The following UBQLN1 variants were observed in gnomAD, a reference collection of about 807,000 sequenced individuals.
UBQLN1 encodes ubiquilin-1.
In UBQLN1, 13 loss-of-function variants were observed where a neutral mutation model predicts 65.4. The ratio of observed to expected loss-of-function variants is 0.20; its 90% CI spans 0.13 to 0.32. The LOEUF is 0.32. Ranked by LOEUF, UBQLN1 falls within the 10% of genes least tolerant of loss-of-function variation. The pLI, the probability that UBQLN1 is intolerant of heterozygous loss-of-function variation, is 1.00. For missense variants in UBQLN1, 561 were observed against 724.0 expected (o/e 0.77, Z 2.58); for synonymous variants, 267 against 247.8 (o/e 1.08, Z -0.73).
intron 1 of UBQLN1, among the ~76,000 whole-genome samples, chr9:83,704,578 G>A (rs1832365860): frequency 6.6e-6 from 1 of 152,052 alleles, no homozygotes; most frequent in African/African-American, 2.4e-5. Context: ...TGTAATCCTA[G>A]CACTTTGGGA....
rs184279585 is a variant in UBQLN1 at position 83,699,825 on chromosome 9, A to G, written c.180+7675T>C. 8.9e-4 allele frequency among the ~76,000 whole-genome samples: 136 copies of G among 152,364 alleles called. 1 individual carries two copies. The highest frequency in any genetic ancestry group is 3.2e-3 in the African/African-American group (132 of 41,586). ...TGGTCTATTCTGAAAGGAGCTATAG[A>G]TAACACATAAGCAAATGGGCACAAT... On this transcript the variant is annotated intron_variant, in intron 1 of 10. Coordinates refer to ENST00000376395, the MANE Select transcript of UBQLN1 (RefSeq NM_013438.5).
At chr9:83,669,355 A>C (rs1831694809) in intron 6 of UBQLN1, 28 bp from the exon 7 acceptor site, 1 of 1,564,970 alleles carries the variant, frequency 6.4e-7, no homozygotes, top group African/African-American at 1.4e-5. Flanking sequence ...AAAAAGACAT[A>C]TTAAGGAAAA....
At chr9:83,688,603 C>T (rs1051212386) in intron 1 of UBQLN1, among the ~76,000 whole-genome samples, 12 of 151,752 alleles carry the variant, frequency 7.9e-5, no homozygotes. Context: ...GTGGCTCACA[C>T]CTGTAATCCC....
intron 8 of UBQLN1, chr9:83,665,436 A>T: frequency 3.5e-6 from 1 of 287,038 alleles, no homozygotes; most frequent in Non-Finnish European, 6.4e-6. Flanking sequence ...CTCCAACAGA[A>T]GATAAAGTAT....
At position 83,691,377 on chromosome 9, in the gene UBQLN1, G is replaced by C. The variant is rs534689185; in HGVS notation, c.181-5222C>G. Among the ~76,000 whole-genome samples the C allele has an allele frequency of 3.9e-5, 6 of 152,144 alleles. No homozygotes were observed. In the South Asian group the frequency reaches 8.3e-4, roughly 21 times the overall value. ...TATGTGGCAGAGACAATTAAAACCT[G>C]ATATCCAAAACAGCTGTAATCTCAA... is the stretch of plus-strand genomic sequence containing the variant. On this transcript the variant is annotated intron_variant, in intron 1 of 10. Transcript: ENST00000376395.
chr9:83,688,950 T>C (rs1468010945), intron 1 of UBQLN1, among the ~76,000 whole-genome samples: 4 of 152,172 alleles, frequency 2.6e-5, no homozygotes, highest in African/African-American at 4.8e-5. Flanking sequence ...GAGACATAAC[T>C]CATACCACGT....
intron 8 of UBQLN1, 76 bp downstream of exon 8, chr9:83,666,274 G>T: frequency 1.4e-6 from 2 of 1,418,292 alleles, no homozygotes; most frequent in Non-Finnish European, 2.0e-6. Flanking sequence ...CCAGAGAAGA[G>T]CAAGGAAAAA....
At chr9:83,678,718 G>GT (rs921851870) in intron 4 of UBQLN1, 119 bp from the exon 5 acceptor site, 11 of 1,159,018 alleles carry the variant, frequency 9.5e-6, no homozygotes, top group South Asian at 3.2e-5. Flanking sequence ...GTTTTGTTTT[G>GT]TTTTTTTAAT....
intron 1 of UBQLN1, among the ~76,000 whole-genome samples, chr9:83,694,196 G>C (rs1199245254): frequency 2.0e-5 from 3 of 152,168 alleles, no homozygotes; most frequent in Non-Finnish European, 2.9e-5. Context: ...CTTCAGCTCT[G>C]AAGATAAAAC....
chr9:83,696,196 T>G (rs1041073701), intron 1 of UBQLN1, among the ~76,000 whole-genome samples: 12 of 152,328 alleles, frequency 7.9e-5, no homozygotes, highest in African/African-American at 2.9e-4. Flanking sequence ...CCATCATGAT[T>G]GTATACACTT....
chr9:83,700,867 G>A (rs2131188175), intron 1 of UBQLN1, among the ~76,000 whole-genome samples: 1 of 152,262 alleles, frequency 6.6e-6, no homozygotes, highest in Admixed American at 6.5e-5. Flanking sequence ...TATATTCTAA[G>A]ACCAACAGGG....
intron 6 of UBQLN1, among the ~76,000 whole-genome samples, chr9:83,674,318 T>A (rs1831792761): frequency 6.6e-6 from 1 of 152,178 alleles, no homozygotes; most frequent in Admixed American, 6.6e-5. Flanking sequence ...AACTTGTGTT[T>A]CTTATGCAAT....
At chr9:83,669,086 G>T in intron 7 of UBQLN1, 99 bp downstream of exon 7, 1 of 1,359,978 alleles carries the variant, frequency 7.4e-7, no homozygotes, top group Non-Finnish European at 9.9e-7. Flanking sequence ...AGTGTATTAA[G>T]ATATCATACA....
At chr9:83,673,162 G>T (rs578201279) in intron 6 of UBQLN1, among the ~76,000 whole-genome samples, 14 of 152,302 alleles carry the variant, frequency 9.2e-5, no homozygotes, top group African/African-American at 3.4e-4. Context: ...CCCAGGAGAA[G>T]AAGGTTGCAG....
intron 1 of UBQLN1, among the ~76,000 whole-genome samples, chr9:83,693,914 G>A (rs1401004157): frequency 6.6e-6 from 1 of 152,180 alleles, no homozygotes; most frequent in Non-Finnish European, 1.5e-5. Context: ...ATTCTGCAGG[G>A]CTGATGGGAG....
chr9:83,695,865 A>T (rs896645789), intron 1 of UBQLN1, among the ~76,000 whole-genome samples: 3 of 152,274 alleles, frequency 2.0e-5, no homozygotes, highest in African/African-American at 7.2e-5. Context: ...CAGCAGATTT[A>T]AGTATCAACT....
chr9:83,699,306 A>G (rs1832273130), intron 1 of UBQLN1, among the ~76,000 whole-genome samples: 1 of 152,230 alleles, frequency 6.6e-6, no homozygotes, highest in Admixed American at 6.5e-5. Flanking sequence ...CCTTTTGATT[A>G]AAGTGGCTAA....
At chr9:83,668,355 CA>C in intron 7 of UBQLN1, 3 of 985,276 alleles carry the variant, frequency 3.0e-6, no homozygotes, top group Non-Finnish European at 3.6e-6. Context: ...TAAAGTCTTC[CA>C]AATTCCTGAC....
At chr9:83,703,972 A>G (rs1483390823) in intron 1 of UBQLN1, among the ~76,000 whole-genome samples, 8 of 152,226 alleles carry the variant, frequency 5.3e-5, no homozygotes, top group Admixed American at 5.2e-4. Flanking sequence ...ATATAAACAG[A>G]ATTTTGGTAT....
Sources: allele counts gnomAD v4.1 joint callset (sites outside exome capture counted in the v4.1 genomes callset), GRCh38; gene constraint gnomAD v4.1.1; transcripts MANE v1.5; gene names NCBI Gene and HGNC (gene_info 2026-07-23, HGNC 2026-07-21).